SH3RF3: variants seen among roughly 807,000 people sequenced by gnomAD.
The protein encoded by SH3RF3 is E3 ubiquitin-protein ligase SH3RF3.
Under a neutral mutation model 66.3 loss-of-function variants are expected in SH3RF3, and 29 were observed. That is an observed-to-expected ratio of 0.44 (90% confidence interval 0.33 to 0.60). The LOEUF (loss-of-function observed/expected upper bound fraction) is 0.60. Ranked by LOEUF, SH3RF3 falls within the 20% of genes least tolerant of loss-of-function variation. The pLI, the probability that SH3RF3 is intolerant of heterozygous loss-of-function variation, is 0.04. For missense variants in SH3RF3, 1,194 were observed against 1,190.9 expected, an observed-to-expected ratio of 1.00 and a Z score of -0.04; for synonymous variants, 583 against 532.0, an observed-to-expected ratio of 1.10 and a Z score of -1.32.
At chr2:109,303,438 G>A (rs966527597) in intron 1 of SH3RF3, among the ~76,000 whole-genome samples, 2 of 152,238 alleles carry the variant, frequency 1.3e-5, no homozygotes, top group African/African-American at 2.4e-5. Flanking sequence ...TGATCTTTGT[G>A]TAGACTGGTA....
intron 3 of SH3RF3, among the ~76,000 whole-genome samples, chr2:109,384,273 C>T (rs904628216): frequency 6.6e-6 from 1 of 152,198 alleles, no homozygotes; most frequent in Non-Finnish European, 1.5e-5. Context: ...GAGGACACAA[C>T]AGCGAAGAAA....
intron 1 of SH3RF3, among the ~76,000 whole-genome samples, chr2:109,155,361 T>C (rs75659643): frequency 0.14 from 21,432 of 152,130 alleles, 1,637 homozygotes; most frequent in Middle Eastern, 0.21. Flanking sequence ...AATGCAGTGG[T>C]GGGATCTTGG....
At chr2:109,489,709 G>A (rs1183879478) in intron 8 of SH3RF3, among the ~76,000 whole-genome samples, 1 of 134,270 alleles carries the variant, frequency 7.4e-6, no homozygotes, top group African/African-American at 2.8e-5. Flanking sequence ...GAAGAGAAAG[G>A]AAAACAAGTG....
intron 1 of SH3RF3, among the ~76,000 whole-genome samples, chr2:109,233,694 T>C (rs886728572): frequency 2.0e-5 from 3 of 152,212 alleles, no homozygotes; most frequent in African/African-American, 7.2e-5. Context: ...CAGAGCTCTA[T>C]CCTTTTGGCT....
At chr2:109,461,360 G>A (rs1044414021) in intron 8 of SH3RF3, among the ~76,000 whole-genome samples, 1 of 152,238 alleles carries the variant, frequency 6.6e-6, no homozygotes, top group Non-Finnish European at 1.5e-5. Context: ...GACAGCAGAG[G>A]CTTGCTCCAA....
chr2:109,140,005 T>A (rs1372621180), intron 1 of SH3RF3, among the ~76,000 whole-genome samples: 3 of 152,084 alleles, frequency 2.0e-5, no homozygotes, highest in African/African-American at 7.3e-5. Context: ...TGATCAGAGG[T>A]AGTGACTCAT....
In SH3RF3 at chr2:109,332,482, T is replaced by G. The variant is rs556050686; in HGVS notation, c.574-15192T>G. On this transcript the variant is annotated intron_variant, in intron 1 of 9. Transcript: ENST00000309415. ...TGCAGCAGAAGCAGCACAAGGCTCC[T>G]TTGCTGCCTCTGCCCCTAAGGAGTC... Among the ~76,000 whole-genome samples the G allele has an allele frequency of 4.6e-5, 7 of 152,310 alleles. No homozygotes were observed. In the South Asian group the frequency reaches 1.4e-3, roughly 32 times the overall value.
intron 9 of SH3RF3, among the ~76,000 whole-genome samples, chr2:109,493,774 A>T (rs1679188537): frequency 6.6e-6 from 1 of 152,114 alleles, no homozygotes; most frequent in Admixed American, 6.6e-5. Context: ...CATGCACTGC[A>T]CACACACCAG....
At chr2:109,487,656 G>A (rs936156706) in intron 8 of SH3RF3, among the ~76,000 whole-genome samples, 2 of 152,134 alleles carry the variant, frequency 1.3e-5, no homozygotes, top group African/African-American at 2.4e-5. Flanking sequence ...CAGCAGCTGG[G>A]CAGTGAGGCA....
intron 3 of SH3RF3, among the ~76,000 whole-genome samples, chr2:109,392,971 C>T (rs1676043522): frequency 6.6e-6 from 1 of 152,190 alleles, no homozygotes; most frequent in Non-Finnish European, 1.5e-5. Flanking sequence ...ATCCTTCCCT[C>T]TCCACCGCCC....
chr2:109,211,522 G>A (rs10174115), intron 1 of SH3RF3, among the ~76,000 whole-genome samples: 42,683 of 152,126 alleles, frequency 0.28, 6,337 homozygotes, highest in East Asian at 0.46. Context: ...CAGGTATCCA[G>A]TAGGAGCGGA....
chr2:109,129,414 C>T lies in SH3RF3; in HGVS notation c.-127C>T. 6.9e-7 allele frequency: 1 copy of T among 1,453,428 alleles called. No individual in the cohort carries two copies. 90.0% of individuals were successfully genotyped at this position (1,453,428 alleles called of 1,614,324 possible). ...CCGCCACAGCCCTAGCATCGGGCCA[C>T]CAGCCGGGGTGAAGAAAGTCACGGC... On this transcript the variant is annotated 5_prime_UTR_variant, in exon 1 of 10. Coordinates refer to ENST00000309415, the MANE Select transcript of SH3RF3 (RefSeq NM_001099289.3).
chr2:109,169,024 T>C (rs575577383), intron 1 of SH3RF3, among the ~76,000 whole-genome samples: 3 of 152,142 alleles, frequency 2.0e-5, no homozygotes, highest in Non-Finnish European at 4.4e-5. Context: ...CTAACAGGAC[T>C]CTCCCTTGGT....
At position 109,428,456 on chromosome 2, in the gene SH3RF3, C is replaced by T. The variant is rs544937865; in HGVS notation, c.1404-4045C>T. The stretch of plus-strand genomic sequence containing the variant: ...ACATGCCATGCCCAGCTGGGTCAGC[C>T]GAGTCGGCCCAGCCGCCAGCCTATC... On this transcript the variant is annotated intron_variant, in intron 5 of 9. Transcript: ENST00000309415. 9.2e-5 allele frequency among the ~76,000 whole-genome samples: 14 copies of T among 152,350 alleles called. No individual in the cohort carries two copies. The South Asian group carries it at 1.7e-3, about 18-fold the overall frequency.
chr2:109,279,102 G>A (rs928260917), intron 1 of SH3RF3, among the ~76,000 whole-genome samples: 6 of 152,202 alleles, frequency 3.9e-5, no homozygotes, highest in Admixed American at 3.3e-4. Context: ...TAATTTTATG[G>A]CAAATCCACG....
rs574018492 is a variant in SH3RF3 at position 109,370,603 on chromosome 2, G to A, written c.850-983G>A. Among the ~76,000 whole-genome samples the A allele has an allele frequency of 5.3e-5, 8 of 151,976 alleles. No individual in the cohort carries two copies. The South Asian group carries it at 6.3e-4, about 12-fold the overall frequency. On this transcript the variant is annotated intron_variant, in intron 2 of 9. Coordinates refer to ENST00000309415, the MANE Select transcript of SH3RF3 (RefSeq NM_001099289.3). ...TCCCCCAGGGCTCCTCTCTGGTCAC[G>A]TCCCACTGTGAGTCCCCATCTCTCC...
At chr2:109,370,227 GTCTC>G (rs144011127) in intron 2 of SH3RF3, among the ~76,000 whole-genome samples, 1 of 96,642 alleles carries the variant, frequency 1.0e-5, no homozygotes, top group Admixed American at 9.1e-5. Flanking sequence ...CTCTGTCTCT[GTCTC>G]TCTCTCTCTT....
intron 1 of SH3RF3, among the ~76,000 whole-genome samples, chr2:109,337,289 C>T (rs892773621): frequency 2.0e-5 from 3 of 152,210 alleles, no homozygotes; most frequent in African/African-American, 7.2e-5. Context: ...CTCCTCTCCC[C>T]ACAGCAGGGC....
chr2:109,134,231 A>G (rs1023828612), intron 1 of SH3RF3, among the ~76,000 whole-genome samples: 8 of 152,092 alleles, frequency 5.3e-5, no homozygotes, highest in African/African-American at 1.4e-4. Context: ...CTAGGAAGTG[A>G]TTGAGTTAGG....
Sources: gnomAD v4.1 joint callset for allele counts (sites outside exome capture counted in the v4.1 genomes callset) on GRCh38, gnomAD v4.1.1 for gene constraint, MANE v1.5 for transcripts, NCBI Gene and HGNC (gene_info 2026-07-23, HGNC 2026-07-21) for gene names.